Variants in GABRG3 observed in about 807,000 individuals in gnomAD.
GABRG3 encodes gamma-aminobutyric acid type A receptor subunit gamma3.
In GABRG3, 25 loss-of-function variants were observed where a neutral mutation model predicts 48.8. The observed-to-expected ratio is 0.51, with a 90% confidence interval of 0.37 to 0.72. The LOEUF (loss-of-function observed/expected upper bound fraction) is 0.72, where lower values mean the gene tolerates loss of function less well. Among genes scored for constraint, GABRG3 ranks in the 30% least tolerant of loss-of-function variants. GABRG3 has a pLI of 0.00. For missense variants in GABRG3, 394 were observed against 577.9 expected (o/e 0.68, Z 3.26); for synonymous variants, 227 against 217.6 (o/e 1.04, Z -0.38).
intron 3 of GABRG3, among the ~76,000 whole-genome samples, chr15:27,078,095 A>G (rs959027667): frequency 6.6e-6 from 1 of 152,150 alleles, no homozygotes; most frequent in African/African-American, 2.4e-5. Context: ...GGGGCCATGG[A>G]GTGCCGGATA....
At chr15:27,082,346 G>A (rs1897005089) in intron 3 of GABRG3, among the ~76,000 whole-genome samples, 1 of 152,222 alleles carries the variant, frequency 6.6e-6, no homozygotes, top group Non-Finnish European at 1.5e-5. Context: ...TATAATTGTA[G>A]AAGAAAGATT....
intron 5 of GABRG3, among the ~76,000 whole-genome samples, chr15:27,330,982 C>A (rs915976375): frequency 6.6e-6 from 1 of 152,068 alleles, no homozygotes; most frequent in Non-Finnish European, 1.5e-5. Flanking sequence ...CAGGGAGTGG[C>A]AGGATCAAAT....
chr15:27,301,686 CAAAACA>C (rs1892213717), intron 3 of GABRG3, among the ~76,000 whole-genome samples: 1 of 151,272 alleles, frequency 6.6e-6, no homozygotes, highest in South Asian at 2.1e-4. Context: ...CAGTTAAAAA[CAAAACA>C]AAAACAAACA....
chr15:27,352,603 C>G lies in GABRG3; in HGVS notation c.574+23715C>G, dbSNP rs145073019. ...GTCCGACCTGTGGGACAGGCGCTCA[C>G]ACCACCCCACACTGCCCCGGGGAGG... On this transcript the variant is annotated intron_variant, in intron 5 of 9. Coordinates refer to ENST00000615808, the MANE Select transcript of GABRG3 (RefSeq NM_033223.5). The surrounding 1 kb of genome is among the most constrained non-coding windows in gnomAD (Gnocchi z 4.0). Among the ~76,000 whole-genome samples the G allele has an allele frequency of 4.9e-3, 747 of 152,222 alleles. 5 individuals carry two copies. Among genetic ancestry groups the G allele is most frequent in the Non-Finnish European group, 7.7e-3 (521 of 68,004 alleles).
At chr15:27,232,447 G>A (rs748901873) in intron 3 of GABRG3, among the ~76,000 whole-genome samples, 1 of 152,110 alleles carries the variant, frequency 6.6e-6, no homozygotes, top group African/African-American at 2.4e-5. Flanking sequence ...TTCTTGCCTC[G>A]TTCCAGAACC....
chr15:27,181,867 C>T (rs1490471638), intron 3 of GABRG3, among the ~76,000 whole-genome samples: 1 of 152,018 alleles, frequency 6.6e-6, no homozygotes. Context: ...ACTTAGCAAT[C>T]TTTCTCATCC....
At chr15:27,019,145 T>C (rs533781342) in intron 2 of GABRG3, among the ~76,000 whole-genome samples, 2 of 131,196 alleles carry the variant, frequency 1.5e-5, no homozygotes, top group South Asian at 5.5e-4. Flanking sequence ...CTGGGCTCAC[T>C]GCAAGCTCTG....
chr15:27,385,035 C>T (rs573474025), intron 5 of GABRG3, among the ~76,000 whole-genome samples: 4 of 152,208 alleles, frequency 2.6e-5, no homozygotes, highest in South Asian at 2.1e-4. Flanking sequence ...TTTATTATCC[C>T]GAAAATGTTC....
rs187318838 is a variant in GABRG3 at position 27,133,917 on chromosome 15, T to G, written c.270+107096T>G. Among the ~76,000 whole-genome samples, 3 of 152,354 alleles carry G rather than the reference T, an allele frequency of 2.0e-5. No homozygotes were observed. The East Asian group carries it at 5.8e-4, about 29-fold the overall frequency. ...TGGGTAAAACAGTTCTCACAGAGGA[T>G]TAAACATTTGAAGTTCTTTGGACTT... On this transcript the variant is annotated intron_variant, in intron 3 of 9. Coordinates refer to ENST00000615808, the MANE Select transcript of GABRG3 (RefSeq NM_033223.5).
chr15:27,287,527 G>T (rs1241419319), intron 3 of GABRG3, among the ~76,000 whole-genome samples: 1 of 152,072 alleles, frequency 6.6e-6, no homozygotes, highest in Non-Finnish European at 1.5e-5. Context: ...TTACTTTGGA[G>T]CATAATGTGA....
intron 3 of GABRG3, among the ~76,000 whole-genome samples, chr15:27,264,063 T>C (rs1890848070): frequency 6.6e-6 from 1 of 151,902 alleles, no homozygotes; most frequent in African/African-American, 2.4e-5. Flanking sequence ...TGAGAGACTG[T>C]TGGGCAAGGG....
chr15:27,496,523 A>G (rs1245182892), intron 6 of GABRG3, among the ~76,000 whole-genome samples: 1 of 152,184 alleles, frequency 6.6e-6, no homozygotes, highest in Non-Finnish European at 1.5e-5. Flanking sequence ...CAAAAAGACA[A>G]CCCAGGGAAA....
chr15:27,321,924 A>G (rs905435749), intron 3 of GABRG3, among the ~76,000 whole-genome samples: 3 of 152,264 alleles, frequency 2.0e-5, no homozygotes, highest in Non-Finnish European at 4.4e-5. Context: ...TTTGGAAATT[A>G]TTGAGCTCTG....
At chr15:27,477,375 C>T (rs1889971543) in intron 5 of GABRG3, among the ~76,000 whole-genome samples, 1 of 151,994 alleles carries the variant, frequency 6.6e-6, no homozygotes. Flanking sequence ...AAAAGAAAAA[C>T]CATGGAGACG....
At chr15:27,441,142 T>C (rs1025064614) in intron 5 of GABRG3, among the ~76,000 whole-genome samples, 1 of 152,254 alleles carries the variant, frequency 6.6e-6, no homozygotes, top group African/African-American at 2.4e-5. Context: ...CAGATACTTC[T>C]AATTTGTCTT....
At chr15:27,420,237 T>A (rs1447972982) in intron 5 of GABRG3, among the ~76,000 whole-genome samples, 2 of 152,184 alleles carry the variant, frequency 1.3e-5, no homozygotes, top group Admixed American at 1.3e-4. Flanking sequence ...GATTTTTAAA[T>A]TATTAAAATA....
At chr15:27,033,388 C>T (rs184168203) in intron 3 of GABRG3, among the ~76,000 whole-genome samples, 1 of 152,030 alleles carries the variant, frequency 6.6e-6, no homozygotes, top group Non-Finnish European at 1.5e-5. Flanking sequence ...GCCATGCATC[C>T]TTGATTTGGA....
At chr15:27,463,566 T>G (rs1194435690) in intron 5 of GABRG3, among the ~76,000 whole-genome samples, 3 of 152,196 alleles carry the variant, frequency 2.0e-5, no homozygotes, top group Non-Finnish European at 4.4e-5. Flanking sequence ...TAGCACAATT[T>G]GCAAAAGTGA....
At chr15:27,158,369 T>G (rs1173968887) in intron 3 of GABRG3, 5 of 152,142 alleles carry the variant, frequency 3.3e-5, no homozygotes. Flanking sequence ...GCCGAGCCCC[T>G]CAATTAAAAC....
Sources: allele counts gnomAD v4.1 joint callset (sites outside exome capture counted in the v4.1 genomes callset), GRCh38; gene constraint gnomAD v4.1.1; non-coding constraint Gnocchi (gnomAD v3.1); transcripts MANE v1.5; gene names NCBI Gene and HGNC (gene_info 2026-07-23, HGNC 2026-07-21).